The following PTPRD variants were observed in gnomAD, a reference collection of about 807,000 sequenced individuals.
PTPRD encodes protein tyrosine phosphatase receptor type D, also known as receptor-type tyrosine-protein phosphatase delta.
PTPRD carries 34 observed loss-of-function variants against 214.5 expected under a neutral mutation model. That is an observed-to-expected ratio of 0.16 (90% CI 0.12 to 0.21). The LOEUF (loss-of-function observed/expected upper bound fraction) is 0.21, where lower values mean the gene tolerates loss of function less well. Among genes scored for constraint, PTPRD ranks in the 10% least tolerant of loss-of-function variants. PTPRD has a pLI of 1.00. For synonymous variants in PTPRD, 1,128 were observed against 845.7 expected (o/e 1.33, Z -5.79); for missense variants, 2,545 against 2,398.7 (o/e 1.06, Z -1.27).
At chr9:9,554,977 A>AT (rs200457765) in intron 8 of PTPRD, among the ~76,000 whole-genome samples, 2,002 of 152,144 alleles carry the variant, frequency 0.013, 46 homozygotes, top group African/African-American at 0.045. Flanking sequence ...TATATCTATG[A>AT]TTTTGTCTAA....
At chr9:8,481,942 C>T (rs2096895668) in intron 30 of PTPRD, among the ~76,000 whole-genome samples, 1 of 152,060 alleles carries the variant, frequency 6.6e-6, no homozygotes, top group African/African-American at 2.4e-5. Context: ...GCCACCATGC[C>T]CGGCTAATTG....
At chr9:8,460,610 G>T in intron 32 of PTPRD, 39 bp from the exon 33 acceptor site, 1 of 1,586,094 alleles carries the variant, frequency 6.3e-7, no homozygotes, top group South Asian at 1.2e-5. Context: ...ATAAAATAAT[G>T]ACTTTCTAGA....
At chr9:9,835,754 A>G (rs768052125) in intron 5 of PTPRD, among the ~76,000 whole-genome samples, 3 of 152,110 alleles carry the variant, frequency 2.0e-5, no homozygotes, top group Non-Finnish European at 4.4e-5. Flanking sequence ...GGACTCCATC[A>G]TAACACAGGA....
intron 2 of PTPRD, among the ~76,000 whole-genome samples, chr9:10,514,823 A>T (rs1478643632): frequency 7.9e-5 from 12 of 152,070 alleles, no homozygotes; most frequent in Non-Finnish European, 1.5e-5. Context: ...TTCTTTAAAA[A>T]GTATGAATTT....
intron 34 of PTPRD, among the ~76,000 whole-genome samples, chr9:8,443,352 G>A (rs1002298675): frequency 1.3e-5 from 2 of 152,118 alleles, no homozygotes; most frequent in Non-Finnish European, 2.9e-5. Context: ...ATATAAAAAT[G>A]GATCTTGTTA....
chr9:9,607,143 T>C (rs1342963334), intron 7 of PTPRD, among the ~76,000 whole-genome samples: 1 of 152,074 alleles, frequency 6.6e-6, no homozygotes, highest in Non-Finnish European at 1.5e-5. Flanking sequence ...GTTATTTATT[T>C]ATGCACATCA....
At chr9:9,657,483 G>A (rs538056055) in intron 7 of PTPRD, among the ~76,000 whole-genome samples, 1 of 152,108 alleles carries the variant, frequency 6.6e-6, no homozygotes, top group Non-Finnish European at 1.5e-5. Context: ...GATAGCATTA[G>A]GAGAAATACC....
intron 3 of PTPRD, among the ~76,000 whole-genome samples, chr9:10,085,291 T>A (rs12004515): frequency 0.27 from 40,202 of 151,624 alleles, 5,837 homozygotes; most frequent in South Asian, 0.45. Flanking sequence ...GGGGCCAAGA[T>A]AACCGATTAT....
chr9:10,479,652 A>AATAAATACATAAATACATAAATAC (rs66767934), intron 2 of PTPRD, among the ~76,000 whole-genome samples: 5 of 124,096 alleles, frequency 4.0e-5, no homozygotes, highest in African/African-American at 9.3e-5. Flanking sequence ...TAAATAAATA[A>AATAAATACATAAATACATAAATAC]ATAAATAAAC....
Position 9,084,409 on chromosome 9 carries a change from TG to T in PTPRD, c.-142-65675del, listed in dbSNP as rs35843051. ...ACACACACCAGGGCCTGTCAGGGGTTGGGGGTCTAGGGAGGGATAGTATTAG... is the reference window on the plus strand; with the variant it reads ...ACACACACCAGGGCCTGTCAGGGGTTGGGGTCTAGGGAGGGATAGTATTAG... On this transcript the variant is annotated intron_variant, in intron 10 of 45. Transcript: ENST00000381196. Among the ~76,000 whole-genome samples, 483 of 152,038 alleles carry T rather than the reference TG, an allele frequency of 3.2e-3. 1 individual carries two copies. Among genetic ancestry groups the T allele is most frequent in the Non-Finnish European group, 4.7e-3 (318 of 67,976 alleles).
At chr9:9,322,346 T>A (rs1298219639) in intron 9 of PTPRD, among the ~76,000 whole-genome samples, 1 of 152,172 alleles carries the variant, frequency 6.6e-6, no homozygotes, top group Non-Finnish European at 1.5e-5. Flanking sequence ...TTGTCATACA[T>A]AATTCACAAT....
intron 3 of PTPRD, among the ~76,000 whole-genome samples, chr9:10,310,912 G>T (rs771527179): frequency 2.4e-4 from 37 of 152,018 alleles, no homozygotes; most frequent in Admixed American, 1.1e-3. Flanking sequence ...AGAACAAGCT[G>T]CTTGTTCCAG....
At chr9:8,724,913 G>A (rs892356237) in intron 12 of PTPRD, among the ~76,000 whole-genome samples, 1 of 152,216 alleles carries the variant, frequency 6.6e-6, no homozygotes, top group South Asian at 2.1e-4. Flanking sequence ...ACTCCAGCCT[G>A]GATAACAGAG....
chr9:8,978,843 A>G (rs1379443434), intron 11 of PTPRD, among the ~76,000 whole-genome samples: 1 of 152,170 alleles, frequency 6.6e-6, no homozygotes, highest in Non-Finnish European at 1.5e-5. Flanking sequence ...AAGCTACTAT[A>G]TCTTACCTGC....
At chr9:9,878,531 C>T (rs1257345696) in intron 5 of PTPRD, among the ~76,000 whole-genome samples, 1 of 152,124 alleles carries the variant, frequency 6.6e-6, no homozygotes, top group African/African-American at 2.4e-5. Flanking sequence ...ACAAATTAAC[C>T]TGAATGTAAG....
intron 12 of PTPRD, among the ~76,000 whole-genome samples, chr9:8,694,567 A>T (rs957327257): frequency 6.6e-5 from 10 of 152,106 alleles, no homozygotes; most frequent in African/African-American, 2.4e-4. Flanking sequence ...GATAAAAATG[A>T]CAAACAACAA....
At chr9:10,261,546 A>G (rs1184551526) in intron 3 of PTPRD, among the ~76,000 whole-genome samples, 1 of 152,126 alleles carries the variant, frequency 6.6e-6, no homozygotes, top group Non-Finnish European at 1.5e-5. Context: ...GTGTATATAT[A>G]CATATGTATA....
chr9:10,319,631 G>C (rs2096515770), intron 3 of PTPRD, among the ~76,000 whole-genome samples: 1 of 151,904 alleles, frequency 6.6e-6, no homozygotes. Flanking sequence ...TTAAATAACG[G>C]AATGGATATA....
At chr9:10,028,394 G>A (rs1033353977) in intron 4 of PTPRD, among the ~76,000 whole-genome samples, 3 of 152,150 alleles carry the variant, frequency 2.0e-5, no homozygotes, top group Non-Finnish European at 4.4e-5. Flanking sequence ...CAAAAATGTG[G>A]AACTGACTTC....
Sources: allele counts gnomAD v4.1 joint callset (sites outside exome capture counted in the v4.1 genomes callset), GRCh38; gene constraint gnomAD v4.1.1; transcripts MANE v1.5; gene names NCBI Gene and HGNC (gene_info 2026-07-23, HGNC 2026-07-21).